Variants in NPAS3 observed in about 807,000 individuals in gnomAD.
The protein encoded by NPAS3 is neuronal PAS domain protein 3.
Under a neutral mutation model 73.1 loss-of-function variants are expected in NPAS3, and 14 were observed. That is an observed-to-expected ratio of 0.19 (90% CI 0.13 to 0.30). The LOEUF (loss-of-function observed/expected upper bound fraction) is 0.30. NPAS3 is among the 10% of genes least tolerant of loss of function. The pLI, the probability that NPAS3 is intolerant of heterozygous loss-of-function variation, is 1.00. For synonymous variants in NPAS3, 620 were observed against 541.5 expected (o/e 1.14, Z -2.01); for missense variants, 1,096 against 1,250.0 (o/e 0.88, Z 1.86).
chr14:33,168,255 C>G (rs558669274), intron 2 of NPAS3, among the ~76,000 whole-genome samples: 1 of 152,238 alleles, frequency 6.6e-6, no homozygotes, highest in South Asian at 2.1e-4. Context: ...AGTTGCAGTT[C>G]TCTTTAGTAT....
At chr14:33,096,520 A>G (rs776744574) in intron 2 of NPAS3, among the ~76,000 whole-genome samples, 5 of 152,190 alleles carry the variant, frequency 3.3e-5, no homozygotes, top group Non-Finnish European at 5.9e-5. Context: ...TTAGTATTGG[A>G]CTGTTAACTC....
chr14:33,190,976 A>G (rs531081089), intron 2 of NPAS3, among the ~76,000 whole-genome samples: 1 of 152,234 alleles, frequency 6.6e-6, no homozygotes, highest in African/African-American at 2.4e-5. Context: ...CCCCCCCACA[A>G]TTCTTTATTG....
chr14:33,801,208 G>A, downstream of NPAS3: 2 of 1,498,408 alleles, frequency 1.3e-6, no homozygotes, highest in Non-Finnish European at 1.8e-6. Context: ...ATTCGAGCAG[G>A]TCAGCGTCTT....
chr14:33,500,467 C>T (rs1032927702), intron 4 of NPAS3, among the ~76,000 whole-genome samples: 1 of 151,818 alleles, frequency 6.6e-6, no homozygotes, highest in African/African-American at 2.4e-5. Context: ...ACAGATGAAT[C>T]GGGTGTGGTT....
chr14:33,523,893 CACAACACACCTACGCCTTGAG>C (rs150644935), intron 4 of NPAS3, among the ~76,000 whole-genome samples: 1,906 of 152,238 alleles, frequency 0.013, 17 homozygotes, highest in Non-Finnish European at 0.021. Context: ...TGTGTGGGGC[CACAACACACCTACGCCTTGAG>C]ACAAGAGAAA....
chr14:33,030,880 T>C (rs1458916519), intron 1 of NPAS3, among the ~76,000 whole-genome samples: 1 of 149,990 alleles, frequency 6.7e-6, no homozygotes, highest in Non-Finnish European at 1.5e-5. Context: ...TATTTCTTCT[T>C]TGTTTTAATA....
chr14:33,442,258 A>G (rs1262125045), intron 4 of NPAS3, among the ~76,000 whole-genome samples: 1 of 152,150 alleles, frequency 6.6e-6, no homozygotes, highest in East Asian at 1.9e-4. Flanking sequence ...GGTGAACTAA[A>G]GTTCCAGATC....
upstream of NPAS3, among the ~76,000 whole-genome samples, chr14:32,935,686 T>A (rs184348718): frequency 6.6e-6 from 1 of 152,364 alleles, no homozygotes; most frequent in East Asian, 1.9e-4. Context: ...CTCTTAAACG[T>A]ATTTATAGAT....
At position 33,155,389 on chromosome 14, in the gene NPAS3, G is replaced by T. The variant is rs80055915; in HGVS notation, c.141-59793G>T. On this transcript the variant is annotated intron_variant, in intron 2 of 11. Transcript: ENST00000356141. ...TCTCCTGGGTATTTTCAAATAATTT[G>T]AGGATTTTTGGGGGTGAGGAGGAAC... 4.6e-3 allele frequency among the ~76,000 whole-genome samples: 707 copies of T among 152,256 alleles called. 2 individuals are homozygous for T. The highest frequency in any genetic ancestry group is 0.017 in the Middle Eastern group (5 of 294).
intron 3 of NPAS3, among the ~76,000 whole-genome samples, chr14:33,262,651 G>A (rs2049017620): frequency 6.6e-6 from 1 of 151,714 alleles, no homozygotes; most frequent in African/African-American, 2.4e-5. Context: ...TCAACAAGAT[G>A]GTTCTTTTAA....
intron 1 of NPAS3, among the ~76,000 whole-genome samples, chr14:33,022,886 C>A (rs541805342): frequency 6.6e-6 from 1 of 151,942 alleles, no homozygotes; most frequent in South Asian, 2.1e-4. Flanking sequence ...TCTGTGGTTG[C>A]TTTACAGTGA....
intron 9 of NPAS3, chr14:33,780,694 A>G: frequency 2.3e-6 from 1 of 442,070 alleles, no homozygotes. Context: ...CCATTAAGCA[A>G]AGGTCTCCAA....
intron 3 of NPAS3, among the ~76,000 whole-genome samples, chr14:33,229,839 A>G (rs2047780357): frequency 6.6e-6 from 1 of 152,232 alleles, no homozygotes; most frequent in Non-Finnish European, 1.5e-5. Flanking sequence ...GCAGATGTGC[A>G]TTTATGATGC....
chr14:33,303,653 A>G (rs1483646969), intron 3 of NPAS3, among the ~76,000 whole-genome samples: 1 of 152,220 alleles, frequency 6.6e-6, no homozygotes, highest in Non-Finnish European at 1.5e-5. Flanking sequence ...TAGAAAACCA[A>G]ATAAAACCTC....
chr14:33,508,099 C>G (rs1434441718), intron 4 of NPAS3, among the ~76,000 whole-genome samples: 2 of 151,960 alleles, frequency 1.3e-5, no homozygotes, highest in Non-Finnish European at 2.9e-5. Flanking sequence ...AATAATATTG[C>G]CATTGTTTCT....
At chr14:32,988,144 G>T (rs997150620) in intron 1 of NPAS3, among the ~76,000 whole-genome samples, 1 of 152,034 alleles carries the variant, frequency 6.6e-6, no homozygotes, top group Non-Finnish European at 1.5e-5. Flanking sequence ...TTGGTGATTT[G>T]TTGCCTATAT....
At chr14:33,079,008 C>T (rs2041768162) in intron 2 of NPAS3, among the ~76,000 whole-genome samples, 1 of 152,100 alleles carries the variant, frequency 6.6e-6, no homozygotes, top group Admixed American at 6.6e-5. Flanking sequence ...AAATGCATAA[C>T]TGCTGTTTTG....
At chr14:33,761,759 A>T (rs1299592561) in intron 7 of NPAS3, among the ~76,000 whole-genome samples, 4 of 152,186 alleles carry the variant, frequency 2.6e-5, no homozygotes, top group African/African-American at 9.7e-5. Context: ...TTTTGTTCTT[A>T]CGTTCGAGGG....
At chr14:33,152,527 T>C (rs575610116) in intron 2 of NPAS3, among the ~76,000 whole-genome samples, 2 of 152,128 alleles carry the variant, frequency 1.3e-5, no homozygotes, top group South Asian at 4.1e-4. Context: ...TCTCTGGTAG[T>C]TTGCTGGGAA....
Sources: allele counts gnomAD v4.1 joint callset (sites outside exome capture counted in the v4.1 genomes callset), GRCh38; gene constraint gnomAD v4.1.1; transcripts MANE v1.5; gene names NCBI Gene and HGNC (gene_info 2026-07-23, HGNC 2026-07-21).